Variants in GNA12 observed in about 807,000 individuals in gnomAD.
GNA12 encodes guanine nucleotide-binding protein subunit alpha-12.
A neutral mutation model predicts 26.0 loss-of-function variants in GNA12; 9 were observed. The ratio of observed to expected loss-of-function variants is 0.35; its 90% CI spans 0.21 to 0.60. The LOEUF (loss-of-function observed/expected upper bound fraction) is 0.60, where lower values mean the gene tolerates loss of function less well. GNA12 is among the 20% of genes least tolerant of loss of function. The pLI is 0.78. For missense variants in GNA12, 405 were observed against 525.8 expected, an observed-to-expected ratio of 0.77 and a Z score of 2.25; for synonymous variants, 264 against 219.6, an observed-to-expected ratio of 1.20 and a Z score of -1.79.
chr7:2,833,688 A>G (rs1240458696), intron 1 of GNA12, among the ~76,000 whole-genome samples: 1 of 152,210 alleles, frequency 6.6e-6, no homozygotes, highest in African/African-American at 2.4e-5. Flanking sequence ...ATGTCAAAGC[A>G]TAAGGTAAAC....
At chr7:2,820,682 G>T (rs1793330296) in intron 1 of GNA12, among the ~76,000 whole-genome samples, 1 of 152,188 alleles carries the variant, frequency 6.6e-6, no homozygotes, top group African/African-American at 2.4e-5. Context: ...CTGACTCACT[G>T]ACCACCCTGG....
chr7:2,762,279 G>A (rs946025174), intron 2 of GNA12: 23 of 240,688 alleles, frequency 9.6e-5, no homozygotes, highest in African/African-American at 4.5e-4. Flanking sequence ...CACAGAAGGT[G>A]CACATGGCGG....
At chr7:2,761,003 G>C (rs1791528018) in intron 2 of GNA12, among the ~76,000 whole-genome samples, 2 of 152,204 alleles carry the variant, frequency 1.3e-5, no homozygotes, top group Non-Finnish European at 2.9e-5. Flanking sequence ...CACAGTTCAT[G>C]GGTAGTTTTG....
chr7:2,751,327 GCTGCAGTGAGCCAAGA>G (rs554325021), intron 2 of GNA12, among the ~76,000 whole-genome samples: 14 of 151,540 alleles, frequency 9.2e-5, no homozygotes, highest in African/African-American at 3.1e-4. Flanking sequence ...GAAGGCCGAG[GCTGCAGTGAGCCAAGA>G]CTGCACCACT....
chr7:2,742,570 C>T (rs2115333056), intron 2 of GNA12, among the ~76,000 whole-genome samples: 1 of 152,296 alleles, frequency 6.6e-6, no homozygotes, highest in South Asian at 2.1e-4. Context: ...CTTTGGTGCT[C>T]AAAGTGAAGA....
At chr7:2,770,677 G>C (rs1469799851) in intron 2 of GNA12, among the ~76,000 whole-genome samples, 28 of 144,640 alleles carry the variant, frequency 1.9e-4, no homozygotes, top group Admixed American at 2.1e-4. Flanking sequence ...ACAACACACA[G>C]AAAGAAAGAA....
At position 2,781,014 on chromosome 7, in the gene GNA12, C is replaced by G. The variant is rs571245675; in HGVS notation, c.525+13914G>C. ...CTGTCATCCCACATCCTTGCCAATT[C>G]TTGGCATTGTCACGTTTTAATTTTT... is the stretch of plus-strand genomic sequence containing the variant. On this transcript the variant is annotated intron_variant, in intron 2 of 3. Transcript: ENST00000275364. 9.8e-5 allele frequency among the ~76,000 whole-genome samples: 15 copies of G among 152,342 alleles called. No homozygotes were observed. The South Asian group carries it at 3.1e-3, about 32-fold the overall frequency.
At chr7:2,737,263 AG>A (rs1790231274) in intron 2 of GNA12, among the ~76,000 whole-genome samples, 2 of 79,580 alleles carry the variant, frequency 2.5e-5, no homozygotes, top group Admixed American at 1.4e-4. Context: ...GCTATCTCAC[AG>A]TTTTGTTTTG....
At chr7:2,803,711 C>T (rs1038952808) in intron 1 of GNA12, among the ~76,000 whole-genome samples, 1 of 151,790 alleles carries the variant, frequency 6.6e-6, no homozygotes, top group Non-Finnish European at 1.5e-5. Flanking sequence ...AGAGAAAACT[C>T]TGGGTTTAGG....
At chr7:2,808,150 C>T (rs772011691) in intron 1 of GNA12, among the ~76,000 whole-genome samples, 12 of 152,238 alleles carry the variant, frequency 7.9e-5, no homozygotes, top group African/African-American at 4.8e-5. Context: ...ACAGAGTTGG[C>T]CTCTGCAAGT....
At chr7:2,838,539 G>C (rs189017889) in intron 1 of GNA12, among the ~76,000 whole-genome samples, 2 of 152,116 alleles carry the variant, frequency 1.3e-5, no homozygotes, top group Non-Finnish European at 2.9e-5. Flanking sequence ...AGCCATGATC[G>C]TGCCACTGCG....
intron 2 of GNA12, among the ~76,000 whole-genome samples, chr7:2,787,717 G>T (rs1792398546): frequency 6.6e-6 from 1 of 152,254 alleles, no homozygotes; most frequent in African/African-American, 2.4e-5. Context: ...ATCGGGAAGG[G>T]GGAGAGGCCG....
At chr7:2,779,495 G>C (rs116457700) in intron 2 of GNA12, among the ~76,000 whole-genome samples, 4,938 of 151,670 alleles carry the variant, frequency 0.033, 145 homozygotes, top group Middle Eastern at 0.13. Context: ...GGGAGACAGA[G>C]TGAGACTCTC....
chr7:2,731,913 C>T lies in GNA12; in HGVS notation c.577-163G>A, dbSNP rs775648986. 2.0e-5 allele frequency among the ~76,000 whole-genome samples: 3 copies of T among 152,120 alleles called. No homozygotes were observed. The highest frequency in any genetic ancestry group is 2.9e-5 in the Non-Finnish European group (2 of 68,020). On this transcript the variant is annotated intron_variant, in intron 3 of 3. Coordinates refer to ENST00000275364, the MANE Select transcript of GNA12 (RefSeq NM_007353.3). The surrounding 1 kb of genome is among the most constrained non-coding windows in gnomAD (Gnocchi z 6.0). ...TTCATTTATAACATTATCAACTGGC[C>T]GTGAAACAGAAAGAATCAAATACTT...
At chr7:2,836,373 T>C (rs1778838006) in intron 1 of GNA12, among the ~76,000 whole-genome samples, 1 of 152,180 alleles carries the variant, frequency 6.6e-6, no homozygotes, top group Non-Finnish European at 1.5e-5. Flanking sequence ...AACCAGCAAG[T>C]GCAGAAAGCA....
chr7:2,842,439 C>T (rs930651037), intron 1 of GNA12, among the ~76,000 whole-genome samples: 1 of 152,206 alleles, frequency 6.6e-6, no homozygotes, highest in Middle Eastern at 3.2e-3. Flanking sequence ...ACTGGGACTA[C>T]AGGTGCATTC....
intron 1 of GNA12, among the ~76,000 whole-genome samples, chr7:2,834,889 G>C (rs778405834): frequency 2.0e-5 from 3 of 152,028 alleles, no homozygotes; most frequent in African/African-American, 4.8e-5. Context: ...GGATGTTTGC[G>C]TAAGAACCTC....
rs1207578881 is a variant in GNA12, at chr7:2,780,053, T to TAC, written c.525+14874_525+14875insGT. ...AGTTTTTTACACATTTCTGTGTACA[T>TAC]ATATATATATATATATATATATATA... On this transcript the variant is annotated intron_variant, in intron 2 of 3. Transcript: ENST00000275364. Among the ~76,000 whole-genome samples the TAC allele has an allele frequency of 9.4e-5, 3 of 31,830 alleles. No homozygotes were observed. The Admixed American group carries it at 1.0e-3, about 11-fold the overall frequency. The allele number at this position is 31,830 out of a possible 152,430, so 20.9% of individuals were successfully genotyped here.
intron 1 of GNA12, among the ~76,000 whole-genome samples, chr7:2,795,642 AAAAG>A (rs1792647335): frequency 6.8e-6 from 1 of 147,800 alleles, no homozygotes; most frequent in Admixed American, 6.8e-5. Flanking sequence ...AAAAAAAAAG[AAAAG>A]AAAAAAGAAA....
Sources: gnomAD v4.1 joint callset for allele counts (sites outside exome capture counted in the v4.1 genomes callset) on GRCh38, gnomAD v4.1.1 for gene constraint, Gnocchi (gnomAD v3.1) non-coding constraint, MANE v1.5 for transcripts, NCBI Gene and HGNC (gene_info 2026-07-23, HGNC 2026-07-21) for gene names.